The following PCDHA6 variants were observed in gnomAD, a reference collection of about 807,000 sequenced individuals.
The protein encoded by PCDHA6 is protocadherin alpha 6, also known as protocadherin alpha-6.
A neutral mutation model predicts 60.3 loss-of-function variants in PCDHA6; 55 were observed. The ratio of observed to expected loss-of-function variants is 0.91; its 90% CI spans 0.73 to 1.14. The LOEUF is 1.14. PCDHA6 is among the 50% of genes most tolerant of loss of function. PCDHA6 has a pLI of 0.00. For synonymous variants in PCDHA6, 652 were observed against 557.9 expected (o/e 1.17, Z -2.38); for missense variants, 1,327 against 1,256.5 (o/e 1.06, Z -0.85).
rs2150354431 is a variant in PCDHA6 at position 140,843,174 on chromosome 5, C to T, written c.2394+12689C>T. 1.1e-4 allele frequency: 178 copies of T among 1,595,970 alleles called. 24 individuals carry two copies. Among genetic ancestry groups the T allele is most frequent in the Non-Finnish European group, 1.5e-4 (177 of 1,165,624 alleles). ...GAGCTGCAGCCAGCTGCAAGCAGCC[C>T]TCGCATCCCGTTCCGCGTGGGGCTG... On this transcript the variant is annotated intron_variant, in intron 1 of 3. Transcript: ENST00000529310.
chr5:140,884,745 A>G (rs1479357916), intron 1 of PCDHA6: 20 of 1,431,734 alleles, frequency 1.4e-5, no homozygotes, highest in Non-Finnish European at 1.7e-5. Context: ...TTTCCTGCCA[A>G]TTTCAAATTA....
chr5:140,862,682 T>C (rs536714837), intron 1 of PCDHA6: 55 of 551,686 alleles, frequency 1.0e-4, no homozygotes, highest in South Asian at 7.3e-4. Flanking sequence ...AACGTGCTGG[T>C]GTCCTACTCG....
rs2150356626 is a variant in PCDHA6 at position 140,843,293 on chromosome 5, G to A, written c.2394+12808G>A. ...CCTGGTGAAGGATCATGGTGAACCT[G>A]CGCTGACCGCCACGGCCACGGTTCT... is the stretch of plus-strand genomic sequence containing the variant. On this transcript the variant is annotated intron_variant, in intron 1 of 3. Coordinates refer to ENST00000529310, the MANE Select transcript of PCDHA6 (RefSeq NM_018909.4). The A allele has an allele frequency of 3.8e-6, 6 of 1,595,972 alleles. No homozygotes were observed. In the African/African-American group the frequency reaches 4.0e-5, roughly 11 times the overall value.
chr5:140,998,070 G>T (rs2097795700), intron 3 of PCDHA6, among the ~76,000 whole-genome samples: 1 of 152,050 alleles, frequency 6.6e-6, no homozygotes, highest in Admixed American at 6.6e-5. Context: ...AACAGACTTA[G>T]CCTCTGCAGT....
At position 140,983,206 on chromosome 5, in the gene PCDHA6, C is replaced by G. The variant is rs184479967; in HGVS notation, c.2542+643C>G. 1.8e-3 allele frequency among the ~76,000 whole-genome samples: 271 copies of G among 152,316 alleles called. 2 individuals are homozygous for G. Among genetic ancestry groups the G allele is most frequent in the South Asian group, 2.5e-3 (12 of 4,822 alleles). On this transcript the variant is annotated intron_variant, in intron 3 of 3. Transcript: ENST00000529310. ...TCTTAGTTTAGAGGGATAATAGGGA[C>G]TATTTCCTAATCCAAACTTTCAGGA...
At chr5:140,927,975 C>T in intron 1 of PCDHA6, 2 of 1,614,244 alleles carry the variant, frequency 1.2e-6, no homozygotes, top group Non-Finnish European at 1.7e-6. Context: ...TGATTGCTCT[C>T]TTTAGTGTAA....
intron 1 of PCDHA6, among the ~76,000 whole-genome samples, chr5:140,909,960 C>T (rs1419796014): frequency 6.6e-6 from 1 of 152,184 alleles, no homozygotes; most frequent in Non-Finnish European, 1.5e-5. Context: ...CGTAGGTCTC[C>T]ATGGGGAAGG....
At chr5:140,848,511 C>T in intron 1 of PCDHA6, 1 of 1,589,730 alleles carries the variant, frequency 6.3e-7, no homozygotes, top group Non-Finnish European at 8.6e-7. Context: ...ATACTCAAGT[C>T]GAGGAGATCC....
chr5:140,853,550 A>G lies in PCDHA6; in HGVS notation c.2394+23065A>G, dbSNP rs1220580978. The G allele has an allele frequency of 5.1e-6, 5 of 979,400 alleles. 1 individual carries two copies. Among genetic ancestry groups the G allele is most frequent in the Non-Finnish European group, 6.2e-6 (5 of 811,998 alleles). 60.7% of individuals were successfully genotyped at this position (979,400 alleles called of 1,614,324 possible). A position where few individuals can be genotyped will look rare whatever the true frequency, so the allele number is the denominator to read the frequency against. On this transcript the variant is annotated intron_variant, in intron 1 of 3. Transcript: ENST00000529310. The stretch of plus-strand genomic sequence containing the variant: ...TGTCTCTTTTCAAGTTGTAATTACT[A>G]TATAGGAAAAACTAAGTTGTCACCC...
intron 1 of PCDHA6, among the ~76,000 whole-genome samples, chr5:140,923,387 G>T (rs564592920): frequency 6.6e-6 from 1 of 152,254 alleles, no homozygotes; most frequent in Admixed American, 6.5e-5. Context: ...AATTAGTTGG[G>T]CATGGTGGTG....
chr5:140,836,110 C>T, intron 1 of PCDHA6: 1 of 1,613,694 alleles, frequency 6.2e-7, no homozygotes, highest in Non-Finnish European at 8.5e-7. Flanking sequence ...ACTGGTGGCG[C>T]AGTGAGAGAG....
At chr5:140,904,949 T>A (rs2071498656) in intron 1 of PCDHA6, among the ~76,000 whole-genome samples, 1 of 152,228 alleles carries the variant, frequency 6.6e-6, no homozygotes, top group South Asian at 2.1e-4. Flanking sequence ...TAGTCCTTTG[T>A]CTGATGCAGA....
At chr5:140,978,767 AC>A (rs1167493285) in intron 1 of PCDHA6, among the ~76,000 whole-genome samples, 181 bp from the exon 2 acceptor site, 4 of 152,342 alleles carry the variant, frequency 2.6e-5, no homozygotes, top group South Asian at 2.1e-4. Flanking sequence ...ACCCTGATGA[AC>A]TAATTTTCTT....
In PCDHA6 at chr5:140,848,841, G is replaced by A. The variant is rs2150422504; in HGVS notation, c.2394+18356G>A. The A allele has an allele frequency of 3.6e-5, 57 of 1,590,472 alleles. 1 individual carries two copies. In the African/African-American group the frequency reaches 7.3e-4, roughly 20 times the overall value. On this transcript the variant is annotated intron_variant, in intron 1 of 3. Transcript: ENST00000529310. ...GGTGATCGTAGACAGGCCGCTGCAG[G>A]TTTTCCATGTGGACGTGGAGGTGAA...
chr5:141,009,021 G>A (rs997779963), intron 3 of PCDHA6, among the ~76,000 whole-genome samples: 1 of 152,246 alleles, frequency 6.6e-6, no homozygotes, highest in Non-Finnish European at 1.5e-5. Context: ...TTTAGGCTCT[G>A]TATTTCCCAT....
At position 140,875,743 on chromosome 5, in the gene PCDHA6, G is replaced by T. The variant is rs782705899; in HGVS notation, c.2394+45258G>T. ...CATTTTGTTTGTGAATTCTCGGATCGACCGCGAGAAGCTGTGCGGGCGGAG... is the reference window on the plus strand; with the variant it reads ...CATTTTGTTTGTGAATTCTCGGATCTACCGCGAGAAGCTGTGCGGGCGGAG... On this transcript the variant is annotated intron_variant, in intron 1 of 3. Coordinates refer to ENST00000529310, the MANE Select transcript of PCDHA6 (RefSeq NM_018909.4). 1.8e-5 allele frequency: 29 copies of T among 1,614,226 alleles called. No individual in the cohort carries two copies. The highest frequency in any genetic ancestry group is 2.2e-5 in the Non-Finnish European group (26 of 1,180,038).
At chr5:140,833,964 T>TG (rs1419903363) in intron 1 of PCDHA6, among the ~76,000 whole-genome samples, 1 of 152,084 alleles carries the variant, frequency 6.6e-6, no homozygotes, top group African/African-American at 2.4e-5. Flanking sequence ...TAAAACTGTG[T>TG]GAAAAAAAAG....
chr5:140,897,881 C>G (rs1417702752), intron 1 of PCDHA6, among the ~76,000 whole-genome samples: 1 of 152,312 alleles, frequency 6.6e-6, no homozygotes, highest in Admixed American at 6.5e-5. Context: ...GATTGCCATT[C>G]TAACTGGTGT....
At chr5:140,945,705 A>G (rs868920609) in intron 1 of PCDHA6, among the ~76,000 whole-genome samples, 5 of 152,154 alleles carry the variant, frequency 3.3e-5, no homozygotes, top group South Asian at 2.1e-4. Flanking sequence ...GATTTGCAAC[A>G]AAAGTATCAA....
Sources: allele counts gnomAD v4.1 joint callset (sites outside exome capture counted in the v4.1 genomes callset), GRCh38; gene constraint gnomAD v4.1.1; transcripts MANE v1.5; gene names NCBI Gene and HGNC (gene_info 2026-07-23, HGNC 2026-07-21).